LSAMP: variants seen among roughly 807,000 people sequenced by gnomAD.
LSAMP encodes the protein limbic system-associated membrane protein.
LSAMP carries 7 observed loss-of-function variants against 38.6 expected under a neutral mutation model. The observed-to-expected ratio is 0.18, with a 90% CI of 0.10 to 0.34. The LOEUF is 0.34. Ranked by LOEUF, LSAMP falls within the 10% of genes least tolerant of loss-of-function variation. LSAMP has a pLI of 1.00. For missense variants in LSAMP, 313 were observed against 420.0 expected (o/e 0.75, Z 2.23); for synonymous variants, 154 against 166.8 (o/e 0.92, Z 0.59).
chr3:116,343,249 T>C (rs549542885), intron 1 of LSAMP, among the ~76,000 whole-genome samples: 1 of 152,226 alleles, frequency 6.6e-6, no homozygotes, highest in South Asian at 2.1e-4. Flanking sequence ...AGACATCTGC[T>C]GTAGAGCAAA....
chr3:116,359,841 A>G (rs1325519354), intron 1 of LSAMP, among the ~76,000 whole-genome samples: 2 of 152,238 alleles, frequency 1.3e-5, no homozygotes, highest in African/African-American at 4.8e-5. Context: ...GATGGATTAA[A>G]GACTAAAATG....
intron 1 of LSAMP, among the ~76,000 whole-genome samples, chr3:116,094,829 T>C (rs556419539): frequency 1.2e-4 from 18 of 152,368 alleles, no homozygotes; most frequent in African/African-American, 4.3e-4. Context: ...TTCTGAATCT[T>C]AGTTTCTTCT....
chr3:115,877,116 G>C (rs1936201630), intron 3 of LSAMP, among the ~76,000 whole-genome samples: 1 of 152,180 alleles, frequency 6.6e-6, no homozygotes, highest in Non-Finnish European at 1.5e-5. Context: ...AGAAATGCCA[G>C]TTTTACTGCT....
At chr3:115,852,661 T>C (rs1935371906) in intron 3 of LSAMP, 44 bp from the exon 4 acceptor site, 7 of 1,564,920 alleles carry the variant, frequency 4.5e-6, no homozygotes, top group Non-Finnish European at 6.1e-6. Context: ...AAGTCTGAAA[T>C]AGGCAGTAGA....
chr3:116,142,460 C>T (rs978938741), intron 1 of LSAMP, among the ~76,000 whole-genome samples: 10 of 151,958 alleles, frequency 6.6e-5, no homozygotes, highest in East Asian at 1.9e-4. Flanking sequence ...GGTGCAATTC[C>T]GGAGTTAAGA....
Position 116,054,120 on chromosome 3 carries a change from A to G in LSAMP, c.388+32204T>C, listed in dbSNP as rs114521247. Among the ~76,000 whole-genome samples, 392 of 152,264 alleles carry G rather than the reference A, an allele frequency of 2.6e-3. 1 individual carries two copies. The highest frequency in any genetic ancestry group is 8.9e-3 in the African/African-American group (370 of 41,552). On this transcript the variant is annotated intron_variant, in intron 2 of 6. Coordinates refer to ENST00000490035, the MANE Select transcript of LSAMP (RefSeq NM_002338.5). ...AAGGAATCAATTCCTTGCCTTCTCC[A>G]GTTTAAAGGCTCTCTGCATTCCTGA...
chr3:116,150,809 A>G (rs1321054447), intron 1 of LSAMP, among the ~76,000 whole-genome samples: 1 of 152,040 alleles, frequency 6.6e-6, no homozygotes, highest in African/African-American at 2.4e-5. Context: ...AATTATGAGG[A>G]TGTAATGGCA....
At chr3:116,322,012 A>G (rs1383111232) in intron 1 of LSAMP, among the ~76,000 whole-genome samples, 1 of 152,232 alleles carries the variant, frequency 6.6e-6, no homozygotes, top group Non-Finnish European at 1.5e-5. Flanking sequence ...TAATTGTTCA[A>G]GGAAAACATG....
At position 116,190,128 on chromosome 3, in the gene LSAMP, C is replaced by CACACACACACAT. The variant is rs768880292; in HGVS notation, c.156-103573_156-103572insATGTGTGTGTGT. ...ACACACACACACACACACACACACA[C>CACACACACACAT]ATGCATTAAGAAATCTCCACAGCTA... is the stretch of plus-strand genomic sequence containing the variant. On this transcript the variant is annotated intron_variant, in intron 1 of 6. Transcript: ENST00000490035. Among the ~76,000 whole-genome samples the CACACACACACAT allele has an allele frequency of 2.5e-3, 363 of 146,402 alleles. 3 individuals are homozygous for CACACACACACAT. Among genetic ancestry groups the CACACACACACAT allele is most frequent in the Middle Eastern group, 7.1e-3 (2 of 282 alleles).
At chr3:116,257,185 C>G (rs1379702968) in intron 1 of LSAMP, among the ~76,000 whole-genome samples, 1 of 152,060 alleles carries the variant, frequency 6.6e-6, no homozygotes, top group African/African-American at 2.4e-5. Context: ...TAGCAGGGAC[C>G]CAAGCGTTAT....
At chr3:116,138,291 A>G (rs564026324) in intron 1 of LSAMP, among the ~76,000 whole-genome samples, 1 of 152,264 alleles carries the variant, frequency 6.6e-6, no homozygotes, top group Non-Finnish European at 1.5e-5. Flanking sequence ...TGTTAAAATT[A>G]AAGACATATG....
chr3:115,954,529 A>G (rs556337174), intron 3 of LSAMP, among the ~76,000 whole-genome samples: 22 of 152,344 alleles, frequency 1.4e-4, no homozygotes, highest in African/African-American at 5.3e-4. Flanking sequence ...AAAAAGTACA[A>G]AAGTCTGATA....
intron 3 of LSAMP, among the ~76,000 whole-genome samples, chr3:115,985,823 A>C (rs187597557): frequency 2.6e-5 from 4 of 152,324 alleles, no homozygotes; most frequent in Admixed American, 2.0e-4. Flanking sequence ...AGTTCTTCGC[A>C]GACTGTAGCC....
intron 3 of LSAMP, among the ~76,000 whole-genome samples, chr3:116,000,614 C>G (rs1241651077): frequency 1.3e-5 from 2 of 152,102 alleles, no homozygotes; most frequent in African/African-American, 4.8e-5. Flanking sequence ...TGTTGTGGAC[C>G]TGGTTCTGTT....
At chr3:116,061,311 T>C (rs1433816386) in intron 2 of LSAMP, among the ~76,000 whole-genome samples, 1 of 152,180 alleles carries the variant, frequency 6.6e-6, no homozygotes, top group Non-Finnish European at 1.5e-5. Context: ...ATTCACTTAA[T>C]GGAATATGAT....
chr3:116,141,597 G>A (rs973966243), intron 1 of LSAMP, among the ~76,000 whole-genome samples: 3 of 151,818 alleles, frequency 2.0e-5, no homozygotes, highest in Admixed American at 1.3e-4. Context: ...ACTTTTGAAT[G>A]ACTATAGCAA....
At chr3:115,854,482 C>T (rs1935446263) in intron 3 of LSAMP, among the ~76,000 whole-genome samples, 1 of 151,720 alleles carries the variant, frequency 6.6e-6, no homozygotes, top group African/African-American at 2.4e-5. Context: ...CGGGGTTTCA[C>T]CGTGTTAGCC....
intron 1 of LSAMP, among the ~76,000 whole-genome samples, chr3:116,286,817 T>C (rs563491482): frequency 6.6e-6 from 1 of 151,834 alleles, no homozygotes; most frequent in Non-Finnish European, 1.5e-5. Flanking sequence ...AGCCTACTAT[T>C]AAATATTAAT....
At chr3:115,976,133 T>G (rs1939181321) in intron 3 of LSAMP, among the ~76,000 whole-genome samples, 1 of 152,206 alleles carries the variant, frequency 6.6e-6, no homozygotes, top group African/African-American at 2.4e-5. Context: ...CTGTTCTATT[T>G]GTGGCTGCAT....
Sources: allele counts gnomAD v4.1 joint callset (sites outside exome capture counted in the v4.1 genomes callset), GRCh38; gene constraint gnomAD v4.1.1; transcripts MANE v1.5; gene names NCBI Gene and HGNC (gene_info 2026-07-23, HGNC 2026-07-21).